The following COL25A1 variants were observed in gnomAD, a reference collection of about 807,000 sequenced individuals.
COL25A1 encodes the protein collagen alpha-1(XXV) chain.
Under a neutral mutation model 128.4 loss-of-function variants are expected in COL25A1, and 103 were observed. The observed-to-expected ratio is 0.80, with a 90% CI of 0.68 to 0.94. COL25A1 has a LOEUF of 0.94. COL25A1 is among the 40% of genes least tolerant of loss of function. The pLI is 0.00. For synonymous variants in COL25A1, 279 were observed against 277.2 expected (o/e 1.01, Z -0.06); for missense variants, 745 against 840.0 (o/e 0.89, Z 1.40).
intron 3 of COL25A1, among the ~76,000 whole-genome samples, chr4:109,106,676 A>G (rs1766463313): frequency 6.6e-6 from 1 of 151,980 alleles, no homozygotes; most frequent in Non-Finnish European, 1.5e-5. Context: ...ATAGGATGAA[A>G]AGTTCTCACC....
At chr4:109,065,760 A>G (rs111868687) in intron 3 of COL25A1, among the ~76,000 whole-genome samples, 4 of 152,292 alleles carry the variant, frequency 2.6e-5, no homozygotes, top group African/African-American at 9.6e-5. Flanking sequence ...TCTAATGACT[A>G]TCTCTGGTCA....
At chr4:109,195,883 T>A (rs1775996503) in intron 3 of COL25A1, among the ~76,000 whole-genome samples, 1 of 152,188 alleles carries the variant, frequency 6.6e-6, no homozygotes, top group Non-Finnish European at 1.5e-5. Flanking sequence ...ATGTTTTTCA[T>A]TTTCCTGTAT....
intron 3 of COL25A1, among the ~76,000 whole-genome samples, chr4:109,099,554 C>T (rs1765703055): frequency 6.6e-6 from 1 of 150,532 alleles, no homozygotes; most frequent in Non-Finnish European, 1.5e-5. Flanking sequence ...ACTTGTAGAA[C>T]CAATAATTGA....
chr4:108,900,385 G>C (rs1286351906), intron 14 of COL25A1, among the ~76,000 whole-genome samples: 1 of 152,172 alleles, frequency 6.6e-6, no homozygotes, highest in East Asian at 1.9e-4. Flanking sequence ...CAAATGATCT[G>C]TAAAATCAGC....
intron 3 of COL25A1, among the ~76,000 whole-genome samples, chr4:109,204,444 G>A (rs941096298): frequency 3.3e-5 from 5 of 151,564 alleles, no homozygotes; most frequent in African/African-American, 7.3e-5. Context: ...TGGAAAAAAT[G>A]GCCTATATAA....
chr4:109,026,642 C>A (rs544603488), intron 5 of COL25A1, among the ~76,000 whole-genome samples: 1 of 152,160 alleles, frequency 6.6e-6, no homozygotes, highest in East Asian at 1.9e-4. Context: ...CAAGTAGACA[C>A]CTCTTTTTAG....
At chr4:109,215,308 T>A (rs188043951) in intron 3 of COL25A1, among the ~76,000 whole-genome samples, 92 of 152,316 alleles carry the variant, frequency 6.0e-4, no homozygotes, top group African/African-American at 2.2e-3. Context: ...AAACAAATCA[T>A]CAAATAAAAT....
At chr4:109,055,123 T>C (rs75246570) in intron 3 of COL25A1, among the ~76,000 whole-genome samples, 3,080 of 152,328 alleles carry the variant, frequency 0.02, 82 homozygotes, top group African/African-American at 0.07. Context: ...GCTTAATGCC[T>C]GAAATTCCTT....
chr4:109,076,457 C>A (rs1330661548), intron 3 of COL25A1, among the ~76,000 whole-genome samples: 1 of 151,998 alleles, frequency 6.6e-6, no homozygotes, highest in Non-Finnish European at 1.5e-5. Context: ...TCTGCTGATT[C>A]CTGAGACAAC....
chr4:108,943,624 C>G (rs1748392435), intron 8 of COL25A1, among the ~76,000 whole-genome samples: 1 of 152,092 alleles, frequency 6.6e-6, no homozygotes, highest in Admixed American at 6.5e-5. Flanking sequence ...TTCACACAAC[C>G]CCTTAATGCA....
At chr4:108,920,641 T>A (rs754073481) in intron 11 of COL25A1, 37 bp from the exon 12 acceptor site, 3 of 1,563,508 alleles carry the variant, frequency 1.9e-6, no homozygotes, top group South Asian at 2.3e-5. Flanking sequence ...CATACTATTG[T>A]AGCCATTTAA....
intron 15 of COL25A1, among the ~76,000 whole-genome samples, chr4:108,897,703 GT>G (rs1389785381): frequency 1.3e-5 from 2 of 152,170 alleles, no homozygotes; most frequent in Non-Finnish European, 2.9e-5. Flanking sequence ...CTGGAATGCA[GT>G]CACTTTTCTA....
intron 11 of COL25A1, among the ~76,000 whole-genome samples, chr4:108,930,036 C>T (rs1316724366): frequency 6.6e-6 from 1 of 151,992 alleles, no homozygotes; most frequent in Non-Finnish European, 1.5e-5. Flanking sequence ...ACACTAAGTA[C>T]CAATAACTAT....
At chr4:109,013,889 C>T (rs1190086652) in intron 5 of COL25A1, among the ~76,000 whole-genome samples, 3 of 152,194 alleles carry the variant, frequency 2.0e-5, no homozygotes, top group African/African-American at 7.2e-5. Context: ...CAAGAGCCCA[C>T]CAATTTCAGA....
At chr4:109,131,423 TG>T (rs1328608312) in intron 3 of COL25A1, among the ~76,000 whole-genome samples, 1 of 152,220 alleles carries the variant, frequency 6.6e-6, no homozygotes, top group Non-Finnish European at 1.5e-5. Flanking sequence ...AAGATAATTC[TG>T]AATATTGTTT....
chr4:109,016,157 C>T (rs899379389), intron 5 of COL25A1, among the ~76,000 whole-genome samples: 11 of 152,218 alleles, frequency 7.2e-5, no homozygotes, highest in African/African-American at 1.4e-4. Flanking sequence ...TCCCACTCTC[C>T]GGCCTCTCCC....
At chr4:108,970,058 C>T (rs915462659) in intron 8 of COL25A1, among the ~76,000 whole-genome samples, 2 of 152,098 alleles carry the variant, frequency 1.3e-5, no homozygotes, top group African/African-American at 4.8e-5. Flanking sequence ...CTCGCCACCA[C>T]GCCTGGCTAC....
At chr4:108,825,772 T>G (rs1732300666) in intron 33 of COL25A1, among the ~76,000 whole-genome samples, 1 of 152,216 alleles carries the variant, frequency 6.6e-6, no homozygotes, top group East Asian at 1.9e-4. Context: ...AGTTTTAATT[T>G]GGCTAGGATG....
intron 3 of COL25A1, among the ~76,000 whole-genome samples, chr4:109,071,055 G>A (rs1008786650): frequency 7.2e-5 from 11 of 152,036 alleles, no homozygotes; most frequent in African/African-American, 2.7e-4. Flanking sequence ...TATACCACAA[G>A]GCTACAGTAA....
Sources: allele counts gnomAD v4.1 joint callset (sites outside exome capture counted in the v4.1 genomes callset), GRCh38; gene constraint gnomAD v4.1.1; transcripts MANE v1.5; gene names NCBI Gene and HGNC (gene_info 2026-07-23, HGNC 2026-07-21).